The following SDK1 variants were observed in gnomAD, a reference collection of about 807,000 sequenced individuals.
SDK1 encodes the protein protein sidekick-1.
A neutral mutation model predicts 245.5 loss-of-function variants in SDK1; 157 were observed. The observed-to-expected ratio is 0.64, with a 90% CI of 0.56 to 0.73. The LOEUF is 0.73. SDK1 is among the 30% of genes least tolerant of loss of function. The pLI is 0.00. For synonymous variants in SDK1, 1,647 were observed against 1,278.5 expected (o/e 1.29, Z -6.15); for missense variants, 3,583 against 3,002.3 (o/e 1.19, Z -4.52).
intron 1 of SDK1, among the ~76,000 whole-genome samples, chr7:3,403,392 G>C (rs1358396510): frequency 6.6e-6 from 1 of 152,066 alleles, no homozygotes; most frequent in African/African-American, 2.4e-5. Context: ...AGAATTGTTA[G>C]TTATTATTGC....
In SDK1 at chr7:3,820,248, C is replaced by T. The variant is rs111425963; in HGVS notation, c.714-1202C>T. On this transcript the variant is annotated intron_variant, in intron 4 of 44. Transcript: ENST00000404826. ...CACTTCAGCCTCCGCCTCCCAGGTT[C>T]AAGCGATTGTTCTGCCTCGGCCTCT... Among the ~76,000 whole-genome samples the T allele has an allele frequency of 5.1e-3, 773 of 152,302 alleles. 7 individuals are homozygous for T. Among genetic ancestry groups the T allele is most frequent in the African/African-American group, 0.017 (709 of 41,564 alleles).
chr7:3,930,795 C>T (rs959232555), intron 5 of SDK1, among the ~76,000 whole-genome samples: 4 of 147,430 alleles, frequency 2.7e-5, no homozygotes, highest in African/African-American at 1.0e-4. Flanking sequence ...TCTGTCTCAC[C>T]GAAAAGAAAA....
chr7:3,818,763 C>T (rs759026293), intron 4 of SDK1, among the ~76,000 whole-genome samples: 1 of 152,190 alleles, frequency 6.6e-6, no homozygotes, highest in Non-Finnish European at 1.5e-5. Context: ...GACCCAAGTG[C>T]TTTCCGTTCT....
At chr7:3,784,747 G>T (rs879319669) in intron 4 of SDK1, among the ~76,000 whole-genome samples, 1 of 152,192 alleles carries the variant, frequency 6.6e-6, no homozygotes, top group African/African-American at 2.4e-5. Context: ...AGGGAACCCT[G>T]TTGGTGGAAA....
At chr7:3,971,994 C>G (rs542517674) in intron 12 of SDK1, among the ~76,000 whole-genome samples, 1 of 151,850 alleles carries the variant, frequency 6.6e-6, no homozygotes, top group Non-Finnish European at 1.5e-5. Flanking sequence ...GGAGGGAGTC[C>G]TGTGCATGGG....
At chr7:3,447,370 A>G (rs1349161140) in intron 1 of SDK1, among the ~76,000 whole-genome samples, 1 of 152,140 alleles carries the variant, frequency 6.6e-6, no homozygotes, top group African/African-American at 2.4e-5. Flanking sequence ...TGATGTTAAC[A>G]TTGTAGGGTG....
At chr7:3,626,867 G>GA (rs970760963) in intron 2 of SDK1, among the ~76,000 whole-genome samples, 9 of 151,610 alleles carry the variant, frequency 5.9e-5, no homozygotes, top group Non-Finnish European at 7.4e-5. Flanking sequence ...CTAAAGTTGG[G>GA]AAAAAAACAA....
At chr7:4,181,098 C>T (rs1371640901) in intron 35 of SDK1, among the ~76,000 whole-genome samples, 3 of 152,186 alleles carry the variant, frequency 2.0e-5, no homozygotes, top group Non-Finnish European at 2.9e-5. Flanking sequence ...GAAGCAGGCC[C>T]CCTTTTCCCT....
chr7:4,154,680 G>A (rs1780609685), intron 30 of SDK1, among the ~76,000 whole-genome samples: 3 of 152,164 alleles, frequency 2.0e-5, no homozygotes, highest in Admixed American at 2.0e-4. Context: ...AGCCCTGGAA[G>A]CCCCGGTGCT....
intron 4 of SDK1, among the ~76,000 whole-genome samples, chr7:3,733,627 T>G (rs1253192060): frequency 1.3e-5 from 2 of 152,164 alleles, no homozygotes; most frequent in Non-Finnish European, 2.9e-5. Context: ...TATGTCTGTC[T>G]CACTTGGCTT....
intron 1 of SDK1, among the ~76,000 whole-genome samples, chr7:3,522,373 T>C (rs542741638): frequency 2.0e-5 from 3 of 152,288 alleles, no homozygotes; most frequent in African/African-American, 7.2e-5. Context: ...AGAAGTGAAA[T>C]TCCAGTCTTT....
intron 17 of SDK1, among the ~76,000 whole-genome samples, chr7:4,020,497 G>T (rs1786801784): frequency 6.6e-6 from 1 of 152,224 alleles, no homozygotes; most frequent in Non-Finnish European, 1.5e-5. Context: ...TCTAGAAAGA[G>T]CTGGGGAGGT....
At chr7:3,768,155 G>A (rs2114996926) in intron 4 of SDK1, among the ~76,000 whole-genome samples, 1 of 152,298 alleles carries the variant, frequency 6.6e-6, no homozygotes, top group South Asian at 2.1e-4. Flanking sequence ...TGGTAGTTTA[G>A]CAACCAGCTT....
chr7:3,951,410 G>A (rs543462027), intron 6 of SDK1, among the ~76,000 whole-genome samples: 8 of 152,266 alleles, frequency 5.3e-5, no homozygotes, highest in Non-Finnish European at 8.8e-5. Flanking sequence ...GGATGATCCC[G>A]CCTTCCATGT....
chr7:3,406,717 A>G (rs983173045), intron 1 of SDK1, among the ~76,000 whole-genome samples: 11 of 152,188 alleles, frequency 7.2e-5, no homozygotes, highest in African/African-American at 1.4e-4. Context: ...ATATTTGACC[A>G]TCAGACTTTT....
At chr7:3,360,488 G>A (rs1014367885) in intron 1 of SDK1, among the ~76,000 whole-genome samples, 24 of 152,326 alleles carry the variant, frequency 1.6e-4, no homozygotes, top group African/African-American at 5.5e-4. Context: ...ATTTGTGTGT[G>A]TTTGTGGGCG....
chr7:3,653,691 GGAA>G (rs1446240279), intron 4 of SDK1, among the ~76,000 whole-genome samples: 1 of 152,172 alleles, frequency 6.6e-6, no homozygotes, highest in Non-Finnish European at 1.5e-5. Flanking sequence ...TTTGGAAGGT[GGAA>G]GAGGAGAAAC....
intron 1 of SDK1, among the ~76,000 whole-genome samples, chr7:3,427,334 CATG>C (rs1779706063): frequency 6.6e-6 from 1 of 152,016 alleles, no homozygotes; most frequent in Non-Finnish European, 1.5e-5. Flanking sequence ...GCCTGGCCAA[CATG>C]ATGAAACCCT....
intron 4 of SDK1, among the ~76,000 whole-genome samples, chr7:3,700,789 T>C (rs10247060): frequency 1.3e-5 from 2 of 152,166 alleles, no homozygotes; most frequent in Non-Finnish European, 2.9e-5. Flanking sequence ...ACTTTTGCAC[T>C]TTTTGTTCTT....
Sources: gnomAD v4.1 joint callset for allele counts (sites outside exome capture counted in the v4.1 genomes callset) on GRCh38, gnomAD v4.1.1 for gene constraint, MANE v1.5 for transcripts, NCBI Gene and HGNC (gene_info 2026-07-23, HGNC 2026-07-21) for gene names.